PTPRD: variants seen among roughly 807,000 people sequenced by gnomAD.
PTPRD encodes receptor-type tyrosine-protein phosphatase delta.
A neutral mutation model predicts 214.5 loss-of-function variants in PTPRD; 34 were observed. The ratio of observed to expected loss-of-function variants is 0.16; its 90% CI spans 0.12 to 0.21. The LOEUF (loss-of-function observed/expected upper bound fraction) is 0.21. Among genes scored for constraint, PTPRD ranks in the 10% least tolerant of loss-of-function variants. The pLI, the probability that PTPRD is intolerant of heterozygous loss-of-function variation, is 1.00. For synonymous variants in PTPRD, 1,128 were observed against 845.7 expected, an observed-to-expected ratio of 1.33 and a Z score of -5.79; for missense variants, 2,545 against 2,398.7, an observed-to-expected ratio of 1.06 and a Z score of -1.27.
chr9:9,491,234 A>G (rs2095880046), intron 8 of PTPRD, among the ~76,000 whole-genome samples: 2 of 151,972 alleles, frequency 1.3e-5, no homozygotes, highest in Non-Finnish European at 2.9e-5. Context: ...AAAAATTTCA[A>G]TACAGCACTA....
At chr9:10,504,670 G>A (rs1312567312) in intron 2 of PTPRD, among the ~76,000 whole-genome samples, 1 of 152,086 alleles carries the variant, frequency 6.6e-6, no homozygotes, top group Non-Finnish European at 1.5e-5. Context: ...CCTTTTATCA[G>A]CATTTTATAG....
intron 4 of PTPRD, among the ~76,000 whole-genome samples, chr9:9,946,002 G>A (rs991554825): frequency 3.4e-5 from 4 of 116,872 alleles, no homozygotes; most frequent in Non-Finnish European, 6.8e-5. Context: ...CAAATTAAAT[G>A]ATATAAAAAC....
intron 3 of PTPRD, among the ~76,000 whole-genome samples, chr9:10,169,616 A>C: frequency 6.6e-6 from 1 of 152,132 alleles, no homozygotes; most frequent in East Asian, 1.9e-4. Context: ...TACTGTAAAA[A>C]ACCCAATGTA....
intron 33 of PTPRD, among the ~76,000 whole-genome samples, chr9:8,451,431 G>A (rs533296282): frequency 5.3e-5 from 8 of 152,022 alleles, no homozygotes; most frequent in African/African-American, 1.9e-4. Context: ...AAAGGAAGAA[G>A]AAAAGAAAAA....
chr9:9,711,533 A>T (rs928021753), intron 7 of PTPRD, among the ~76,000 whole-genome samples: 4 of 152,200 alleles, frequency 2.6e-5, no homozygotes, highest in Admixed American at 6.5e-5. Context: ...ATCTTGTTTT[A>T]ATGATAAATT....
At chr9:9,907,503 A>C (rs1186703589) in intron 5 of PTPRD, among the ~76,000 whole-genome samples, 1 of 151,944 alleles carries the variant, frequency 6.6e-6, no homozygotes, top group Non-Finnish European at 1.5e-5. Flanking sequence ...CATGACATTT[A>C]CTCAATGTAC....
At chr9:8,339,166 C>T (rs1190566093) in intron 42 of PTPRD, 119 bp from the exon 43 acceptor site, 2 of 1,078,354 alleles carry the variant, frequency 1.9e-6, no homozygotes, top group Non-Finnish European at 2.5e-6. Context: ...TTTCAAAATT[C>T]AAGGCAATTC....
intron 2 of PTPRD, among the ~76,000 whole-genome samples, chr9:10,437,747 AC>A (rs1412318971): frequency 6.6e-6 from 1 of 151,354 alleles, no homozygotes; most frequent in Non-Finnish European, 1.5e-5. Flanking sequence ...CAACGATTCC[AC>A]AGAATAGTCC....
At chr9:8,893,173 G>C (rs1036268097) in intron 11 of PTPRD, among the ~76,000 whole-genome samples, 9 of 152,092 alleles carry the variant, frequency 5.9e-5, no homozygotes, top group Non-Finnish European at 1.0e-4. Context: ...AATAGGAACG[G>C]ACCAAGAGAG....
chr9:9,873,668 C>T (rs1052756830), intron 5 of PTPRD, among the ~76,000 whole-genome samples: 7 of 152,076 alleles, frequency 4.6e-5, no homozygotes, highest in Non-Finnish European at 1.0e-4. Flanking sequence ...ATGTAGTTTG[C>T]TATTTAAATA....
intron 2 of PTPRD, among the ~76,000 whole-genome samples, chr9:10,398,534 A>T (rs1416327736): frequency 6.6e-6 from 1 of 151,976 alleles, no homozygotes; most frequent in South Asian, 2.1e-4. Context: ...AAGACTTCCA[A>T]ACTTTATAAG....
intron 21 of PTPRD, among the ~76,000 whole-genome samples, chr9:8,509,719 T>C (rs1314282793): frequency 6.6e-6 from 1 of 152,234 alleles, no homozygotes; most frequent in Non-Finnish European, 1.5e-5. Flanking sequence ...GGTCTCAATA[T>C]TTCATTCTTG....
Position 10,167,202 on chromosome 9 carries a change from T to A in PTPRD, c.-544-133412A>T, listed in dbSNP as rs149361135. 9.6e-4 allele frequency among the ~76,000 whole-genome samples: 146 copies of A among 151,960 alleles called. 1 individual carries two copies. Among genetic ancestry groups the A allele is most frequent in the African/African-American group, 3.5e-3 (143 of 41,438 alleles). On this transcript the variant is annotated intron_variant, in intron 3 of 45. Transcript: ENST00000381196. ...AGCCTGATGTGTATTTCAGAGAGAA[T>A]TAAGAAATAATCTTGTAGAGAGTCT...
intron 9 of PTPRD, among the ~76,000 whole-genome samples, chr9:9,225,913 C>T (rs1169920964): frequency 6.6e-6 from 1 of 151,820 alleles, no homozygotes; most frequent in East Asian, 1.9e-4. Context: ...AGTATGAATA[C>T]CTCCTCTTCT....
chr9:10,505,093 C>G (rs1021021307), intron 2 of PTPRD, among the ~76,000 whole-genome samples: 5 of 152,124 alleles, frequency 3.3e-5, no homozygotes, highest in African/African-American at 1.2e-4. Flanking sequence ...AGAAAAAAGG[C>G]AAAACCTTAA....
chr9:10,044,009 A>T (rs928728806), intron 3 of PTPRD, among the ~76,000 whole-genome samples: 6 of 151,790 alleles, frequency 4.0e-5, no homozygotes, highest in African/African-American at 1.4e-4. Context: ...AAATATTTAG[A>T]GCCTTCAAGT....
intron 11 of PTPRD, among the ~76,000 whole-genome samples, chr9:8,768,345 G>C (rs1271211927): frequency 6.6e-6 from 1 of 152,196 alleles, no homozygotes; most frequent in Non-Finnish European, 1.5e-5. Context: ...GAGCCTATAA[G>C]TTCAGGACCA....
chr9:9,394,630 C>A (rs1394742249), intron 9 of PTPRD, among the ~76,000 whole-genome samples: 1 of 152,022 alleles, frequency 6.6e-6, no homozygotes, highest in Non-Finnish European at 1.5e-5. Context: ...CAGTGCCTGG[C>A]AAATAGTCAT....
At chr9:10,167,364 C>A (rs2099165670) in intron 3 of PTPRD, among the ~76,000 whole-genome samples, 1 of 152,164 alleles carries the variant, frequency 6.6e-6, no homozygotes, top group East Asian at 1.9e-4. Flanking sequence ...AACAAAGGAA[C>A]AGAATGAAAT....
Sources: gnomAD v4.1 joint callset for allele counts (sites outside exome capture counted in the v4.1 genomes callset) on GRCh38, gnomAD v4.1.1 for gene constraint, MANE v1.5 for transcripts, NCBI Gene and HGNC (gene_info 2026-07-23, HGNC 2026-07-21) for gene names.